The following AUTS2 variants were observed in gnomAD, a reference collection of about 807,000 sequenced individuals.
AUTS2 encodes the protein autism susceptibility gene 2 protein.
Under a neutral mutation model 112.4 loss-of-function variants are expected in AUTS2, and 17 were observed. The ratio of observed to expected loss-of-function variants is 0.15; its 90% confidence interval spans 0.10 to 0.23. The LOEUF (loss-of-function observed/expected upper bound fraction) is 0.23. Among genes scored for constraint, AUTS2 ranks in the 10% least tolerant of loss-of-function variants. The pLI, the probability that AUTS2 is intolerant of heterozygous loss-of-function variation, is 1.00. For synonymous variants in AUTS2, 751 were observed against 702.7 expected, an observed-to-expected ratio of 1.07 and a Z score of -1.09; for missense variants, 1,510 against 1,701.6, an observed-to-expected ratio of 0.89 and a Z score of 1.98.
intron 2 of AUTS2, among the ~76,000 whole-genome samples, chr7:69,987,957 C>T (rs953350637): frequency 1.3e-5 from 2 of 151,906 alleles, no homozygotes; most frequent in Admixed American, 6.6e-5. Context: ...AAGAGGTGTG[C>T]GTGTGTATGT....
At chr7:69,780,870 C>T (rs541005575) in intron 1 of AUTS2, among the ~76,000 whole-genome samples, 29 of 152,306 alleles carry the variant, frequency 1.9e-4, no homozygotes, top group African/African-American at 6.5e-4. Context: ...ATAGACTCTC[C>T]GTTATTTTTA....
intron 4 of AUTS2, among the ~76,000 whole-genome samples, chr7:70,243,707 G>T (rs1812749891): frequency 1.3e-5 from 2 of 152,094 alleles, no homozygotes; most frequent in African/African-American, 4.8e-5. Context: ...CAGACAATTT[G>T]TACAATCTTC....
intron 2 of AUTS2, among the ~76,000 whole-genome samples, chr7:70,079,913 C>T (rs1242602075): frequency 6.6e-6 from 1 of 152,114 alleles, no homozygotes; most frequent in Non-Finnish European, 1.5e-5. Context: ...TGCTGTATCA[C>T]AGTGTGGCAG....
At chr7:69,814,947 C>T (rs1184270658) in intron 1 of AUTS2, among the ~76,000 whole-genome samples, 2 of 152,136 alleles carry the variant, frequency 1.3e-5, no homozygotes, top group East Asian at 1.9e-4. Flanking sequence ...TTTTCTTGAG[C>T]GAGGTCCCCA....
chr7:69,634,399 C>T (rs1478381379), intron 1 of AUTS2, among the ~76,000 whole-genome samples: 3 of 152,106 alleles, frequency 2.0e-5, no homozygotes, highest in South Asian at 2.1e-4. Flanking sequence ...GGATTACAAG[C>T]GTGAGCCACC....
intron 2 of AUTS2, among the ~76,000 whole-genome samples, chr7:70,099,888 C>T (rs1804394945): frequency 6.6e-6 from 1 of 152,066 alleles, no homozygotes; most frequent in Non-Finnish European, 1.5e-5. Context: ...ATTTACTCTT[C>T]AGTTTTTACA....
chr7:70,625,251 T>G (rs1240637922), intron 5 of AUTS2, among the ~76,000 whole-genome samples: 2 of 152,216 alleles, frequency 1.3e-5, no homozygotes, highest in Non-Finnish European at 2.9e-5. Flanking sequence ...CCCCCCATTA[T>G]GTGTGGTATG....
intron 4 of AUTS2, among the ~76,000 whole-genome samples, chr7:70,244,022 T>C (rs1812772176): frequency 2.0e-5 from 3 of 152,082 alleles, no homozygotes; most frequent in Admixed American, 2.0e-4. Context: ...ATTCTTACTG[T>C]TACTGTCAAG....
intron 5 of AUTS2, among the ~76,000 whole-genome samples, chr7:70,613,840 G>A (rs937253733): frequency 1.2e-4 from 19 of 152,206 alleles, no homozygotes; most frequent in African/African-American, 4.6e-4. Context: ...TCACTCTTGT[G>A]GTCAAATTGG....
intron 4 of AUTS2, among the ~76,000 whole-genome samples, chr7:70,249,194 T>A (rs1562820476): frequency 6.6e-6 from 1 of 152,246 alleles, no homozygotes; most frequent in Non-Finnish European, 1.5e-5. Context: ...CTTTCTTTTG[T>A]CTTTGGTGTT....
chr7:70,649,495 A>ATTTAT (rs1233978169), intron 5 of AUTS2, among the ~76,000 whole-genome samples: 18 of 140,454 alleles, frequency 1.3e-4, no homozygotes, highest in African/African-American at 4.6e-4. Context: ...CCCAGTGGTG[A>ATTTAT]TTTATTTTAT....
At chr7:69,950,870 C>T (rs931648001) in intron 2 of AUTS2, among the ~76,000 whole-genome samples, 11 of 152,032 alleles carry the variant, frequency 7.2e-5, no homozygotes, top group South Asian at 2.1e-4. Context: ...CGGTGGCTTA[C>T]GTCTGTGTGA....
At chr7:70,294,151 T>G (rs2129612405) in intron 4 of AUTS2, 1 of 152,354 alleles carries the variant, frequency 6.6e-6, no homozygotes, top group Admixed American at 6.5e-5. Flanking sequence ...TGTAATTGCC[T>G]TTTCTTTGTG....
chr7:70,451,435 C>CT (rs567439516), intron 5 of AUTS2, among the ~76,000 whole-genome samples: 63 of 148,300 alleles, frequency 4.2e-4, no homozygotes, highest in East Asian at 3.0e-3. Flanking sequence ...ATTTGTATAG[C>CT]TTTTTTTTTT....
intron 5 of AUTS2, among the ~76,000 whole-genome samples, chr7:70,495,281 C>A (rs970864291): frequency 6.6e-6 from 1 of 151,574 alleles, no homozygotes; most frequent in Non-Finnish European, 1.5e-5. Context: ...AAGTCCACCC[C>A]CCTTCTACTT....
At chr7:70,606,130 C>T (rs971953738) in intron 5 of AUTS2, among the ~76,000 whole-genome samples, 15 of 152,198 alleles carry the variant, frequency 9.9e-5, no homozygotes, top group African/African-American at 1.7e-4. Flanking sequence ...TGACTCAATT[C>T]GTATAATCAA....
intron 5 of AUTS2, among the ~76,000 whole-genome samples, chr7:70,525,090 C>T (rs780342240): frequency 2.0e-5 from 3 of 152,176 alleles, no homozygotes; most frequent in African/African-American, 4.8e-5. Context: ...GCTTCCCATT[C>T]TTCAAGGAAT....
At chr7:69,635,658 A>G (rs2129109299) in intron 1 of AUTS2, among the ~76,000 whole-genome samples, 1 of 152,336 alleles carries the variant, frequency 6.6e-6, no homozygotes, top group South Asian at 2.1e-4. Flanking sequence ...GGAGAGAGGA[A>G]CACATCATTT....
chr7:70,665,658 G>T (rs1158528914), intron 5 of AUTS2, among the ~76,000 whole-genome samples: 1 of 152,126 alleles, frequency 6.6e-6, no homozygotes, highest in Non-Finnish European at 1.5e-5. Flanking sequence ...CACTCAGCAT[G>T]CAGTTGACCT....
Sources: allele counts gnomAD v4.1 joint callset (sites outside exome capture counted in the v4.1 genomes callset), GRCh38; gene constraint gnomAD v4.1.1; transcripts MANE v1.5; gene names NCBI Gene and HGNC (gene_info 2026-07-23, HGNC 2026-07-21).